Variants in TESC observed in about 807,000 individuals in gnomAD.
The protein encoded by TESC is tescalcin, also known as calcineurin B homologous protein 3.
TESC carries 19 observed loss-of-function variants against 31.0 expected under a neutral mutation model. That is an observed-to-expected ratio of 0.61 (90% CI 0.43 to 0.90). The LOEUF (loss-of-function observed/expected upper bound fraction) is 0.90, where lower values mean the gene tolerates loss of function less well. TESC is among the 40% of genes least tolerant of loss of function. The pLI is 0.00. For missense variants in TESC, 248 were observed against 303.8 expected, an observed-to-expected ratio of 0.82 and a Z score of 1.36; for synonymous variants, 109 against 114.8, an observed-to-expected ratio of 0.95 and a Z score of 0.32.
intron 7 of TESC, among the ~76,000 whole-genome samples, chr12:117,041,421 C>G (rs1015906651): frequency 3.3e-5 from 5 of 152,100 alleles, no homozygotes; most frequent in African/African-American, 1.2e-4. Context: ...CAACCTCTAC[C>G]TCCTGGATTC....
rs758078242 is a variant in TESC at position 117,075,323 on chromosome 12, C to T, written c.76G>A (p.Glu26Lys). Residue 26 changes from glutamate (E) to lysine (K), a missense_variant, in exon 2 of 8, where the codon GAG (glutamate) becomes AAG (lysine). Coordinates refer to ENST00000335209, the MANE Select transcript of TESC (RefSeq NM_017899.4). ...GKTGFSSDQI[E>K]QLHRRFKQLS... is the part of the protein sequence containing the mutation. ...TGCTTAAATCTCCGATGGAGCTGCTCGATCTGATCCGATGAGACTGAGAAG... is the reference window on the plus strand; with the variant it reads ...TGCTTAAATCTCCGATGGAGCTGCTTGATCTGATCCGATGAGACTGAGAAG... 2.2e-5 allele frequency: 36 copies of T among 1,610,320 alleles called. No individual in the cohort carries two copies. The highest frequency in any genetic ancestry group is 2.2e-5 in the South Asian group (2 of 91,028).
Position 117,039,161 on chromosome 12 carries a change from T to G in TESC, c.617A>C (p.Asn206Thr). Residue 206 changes from asparagine (N) to threonine (T), a missense_variant, in exon 8 of 8, where the codon AAC (asparagine) becomes ACC (threonine). By Grantham distance (65) the Asn-to-Thr change is moderately conservative. Coordinates refer to ENST00000335209, the MANE Select transcript of TESC (RefSeq NM_017899.4). ...GTGGCAGAGGGCCATGGTTTCCATG[T>G]TAAGGAAGCGGACGTGCATCTTGGT... ...IETKMHVRFLNMETMALCH is the reference protein window; with the variant it reads ...IETKMHVRFLTMETMALCH 3.7e-6 allele frequency: 6 copies of G among 1,614,160 alleles called. No individual in the cohort carries two copies. Among genetic ancestry groups the G allele is most frequent in the Non-Finnish European group, 5.1e-6 (6 of 1,180,018 alleles).
intron 7 of TESC, among the ~76,000 whole-genome samples, chr12:117,039,582 C>T (rs528887856): frequency 2.2e-5 from 3 of 139,042 alleles, no homozygotes; most frequent in Admixed American, 1.4e-4. Context: ...CAACCTGTGC[C>T]GCCCACTTCA....
intron 2 of TESC, among the ~76,000 whole-genome samples, chr12:117,065,569 G>A (rs1277512500): frequency 6.6e-6 from 1 of 152,134 alleles, no homozygotes; most frequent in Admixed American, 6.5e-5. Flanking sequence ...CAGGAGCTCA[G>A]GGGAGAGGTC....
At chr12:117,046,228 G>A (rs1954555788) in intron 6 of TESC, among the ~76,000 whole-genome samples, 1 of 152,242 alleles carries the variant, frequency 6.6e-6, no homozygotes, top group African/African-American at 2.4e-5. Context: ...TGTGCCATGT[G>A]CTACCTAGGC....
intron 2 of TESC, among the ~76,000 whole-genome samples, chr12:117,074,918 G>A (rs1161987656): frequency 2.0e-5 from 3 of 152,164 alleles, no homozygotes; most frequent in African/African-American, 2.4e-5. Context: ...AGGCTGAGAC[G>A]GGTGGATCAC....
chr12:117,043,746 G>A (rs1042307869), intron 6 of TESC, among the ~76,000 whole-genome samples: 1 of 152,202 alleles, frequency 6.6e-6, no homozygotes, highest in East Asian at 1.9e-4. Flanking sequence ...GATTACAGGT[G>A]TGACCAAATG....
intron 1 of TESC, among the ~76,000 whole-genome samples, chr12:117,086,081 GACAGGCAGATCCAC>G (rs1955216117): frequency 6.6e-6 from 1 of 151,712 alleles, no homozygotes; most frequent in Admixed American, 6.6e-5. Flanking sequence ...AAATGCCCCA[GACAGGCAGATCCAC>G]ACAGGCAGAA....
chr12:117,076,787 C>T (rs1169465396), intron 1 of TESC, among the ~76,000 whole-genome samples: 1 of 152,142 alleles, frequency 6.6e-6, no homozygotes, highest in African/African-American at 2.4e-5. Context: ...TCAGAGAGCA[C>T]GTAAGATCCC....
intron 2 of TESC, among the ~76,000 whole-genome samples, chr12:117,063,816 T>A (rs370472430): frequency 2.6e-4 from 40 of 152,172 alleles, no homozygotes; most frequent in African/African-American, 9.2e-4. Flanking sequence ...CCATGGAGAC[T>A]CTTCAAGGCA....
At chr12:117,046,718 T>C (rs1350824223) in intron 5 of TESC, 52 bp from the exon 6 acceptor site, 4 of 1,552,252 alleles carry the variant, frequency 2.6e-6, no homozygotes, top group Non-Finnish European at 3.5e-6. Context: ...ATCAGGGTCG[T>C]GGGGGGCAGA....
intron 3 of TESC, among the ~76,000 whole-genome samples, chr12:117,051,341 T>C (rs1362703894): frequency 1.3e-5 from 2 of 152,162 alleles, no homozygotes; most frequent in Admixed American, 6.5e-5. Flanking sequence ...TCCAGGAGAT[T>C]TTCCAGGGAG....
At chr12:117,056,631 G>T (rs759858964) in intron 3 of TESC, among the ~76,000 whole-genome samples, 175 bp downstream of exon 3, 1 of 152,144 alleles carries the variant, frequency 6.6e-6, no homozygotes, top group African/African-American at 2.4e-5. Flanking sequence ...CAGCCCAGTC[G>T]CCCAGCTATG....
At chr12:117,079,755 T>C (rs1009274507) in intron 1 of TESC, among the ~76,000 whole-genome samples, 1 of 152,096 alleles carries the variant, frequency 6.6e-6, no homozygotes, top group Non-Finnish European at 1.5e-5. Context: ...ACACTGTCAA[T>C]GGGCACTGGA....
At chr12:117,080,755 C>G (rs566513302) in intron 1 of TESC, among the ~76,000 whole-genome samples, 4 of 152,324 alleles carry the variant, frequency 2.6e-5, no homozygotes, top group Middle Eastern at 3.4e-3. Context: ...CTGCGCCCCC[C>G]CAACCCCTTC....
intron 1 of TESC, among the ~76,000 whole-genome samples, chr12:117,085,131 G>T (rs1955201832): frequency 1.3e-5 from 2 of 152,222 alleles, no homozygotes; most frequent in Admixed American, 1.3e-4. Context: ...GGTTCTGGGG[G>T]TGGGGTGGAC....
chr12:117,093,486 T>C (rs540586699), intron 1 of TESC, among the ~76,000 whole-genome samples: 4 of 152,362 alleles, frequency 2.6e-5, no homozygotes, highest in Admixed American at 2.0e-4. Context: ...CACCAACTCC[T>C]GGGCTCAGGC....
intron 1 of TESC, among the ~76,000 whole-genome samples, chr12:117,085,698 G>C (rs1955211212): frequency 6.6e-6 from 1 of 152,164 alleles, no homozygotes; most frequent in African/African-American, 2.4e-5. Context: ...AGGTGAGCCA[G>C]GCTGGATGGA....
intron 1 of TESC, among the ~76,000 whole-genome samples, chr12:117,075,918 T>TATATAG (rs1955062958): frequency 1.0e-5 from 1 of 99,140 alleles, no homozygotes; most frequent in African/African-American, 5.4e-5. Context: ...TATATATGTG[T>TATATAG]GTGTGTATAT....
Sources: gnomAD v4.1 joint callset for allele counts (sites outside exome capture counted in the v4.1 genomes callset) on GRCh38, gnomAD v4.1.1 for gene constraint, MANE v1.5 for transcripts, NCBI Gene and HGNC (gene_info 2026-07-23, HGNC 2026-07-21) for gene names.